The following PLCG2 variants were observed in gnomAD, a reference collection of about 807,000 sequenced individuals.
PLCG2 encodes the protein 1-phosphatidylinositol 4,5-bisphosphate phosphodiesterase gamma-2.
PLCG2 carries 69 observed loss-of-function variants against 175.6 expected under a neutral mutation model. The observed-to-expected ratio is 0.39, with a 90% CI of 0.32 to 0.48. The LOEUF is 0.48. Ranked by LOEUF, PLCG2 falls within the 20% of genes least tolerant of loss-of-function variation. The probability of loss-of-function intolerance (pLI) is 0.91; values close to 1 mark genes in which losing one functional copy is unlikely to be tolerated. For missense variants in PLCG2, 1,798 were observed against 1,650.9 expected (o/e 1.09, Z -1.54); for synonymous variants, 827 against 624.0 (o/e 1.33, Z -4.85).
intron 2 of PLCG2, among the ~76,000 whole-genome samples, chr16:81,808,246 A>G (rs1259022749): frequency 6.6e-6 from 1 of 152,214 alleles, no homozygotes; most frequent in Non-Finnish European, 1.5e-5. Flanking sequence ...CCTGTTTTCC[A>G]ACGGGGCTAC....
intron 2 of PLCG2, among the ~76,000 whole-genome samples, chr16:81,797,837 C>CTT (rs35558572): frequency 1.4e-4 from 20 of 145,622 alleles, no homozygotes; most frequent in Admixed American, 4.8e-4. Flanking sequence ...TTTTTCTTGT[C>CTT]TTTTTTTTTT....
intron 21 of PLCG2, among the ~76,000 whole-genome samples, chr16:81,923,123 T>C (rs1291970259): frequency 6.6e-6 from 1 of 152,162 alleles, no homozygotes; most frequent in Non-Finnish European, 1.5e-5. Context: ...GTCCTTTCTT[T>C]GTTGAGGAAA....
At chr16:81,821,584 A>G (rs1272155131) in intron 2 of PLCG2, among the ~76,000 whole-genome samples, 10 of 151,956 alleles carry the variant, frequency 6.6e-5, no homozygotes, top group Non-Finnish European at 1.2e-4. Flanking sequence ...TGCTGGCCCT[A>G]CTTGTTGCCT....
intron 2 of PLCG2, among the ~76,000 whole-genome samples, chr16:81,789,274 G>A (rs752911947): frequency 2.6e-5 from 4 of 152,176 alleles, no homozygotes; most frequent in South Asian, 2.1e-4. Context: ...CATTTCACTC[G>A]CTTACGCGGA....
Position 81,900,759 on chromosome 16 carries a change from G to T in PLCG2, c.1341G>T (p.Leu447=). Residue 447 remains leucine (L), a synonymous_variant, in exon 14 of 33, where the codon CTG becomes CTT. Coordinates refer to ENST00000564138, the MANE Select transcript of PLCG2 (RefSeq NM_002661.5). ...ACCAGCTGCCCTCGCCCAGCCAGCT[G>T]CGGGAGAAGATCATCATCAAGGTAG... ...SADQLPSPSQ[L]REKIIIKHKK... The T allele has an allele frequency of 6.2e-7, 1 of 1,603,162 alleles. No individual in the cohort carries two copies. The highest frequency in any genetic ancestry group is 8.5e-7 in the Non-Finnish European group (1 of 1,170,884).
intron 26 of PLCG2, chr16:81,935,599 G>T (rs866057730): frequency 2.0e-6 from 2 of 985,132 alleles, no homozygotes; most frequent in Non-Finnish European, 1.2e-6. Flanking sequence ...CCAGTCCCTA[G>T]GAACTTCTAC....
At chr16:81,930,797 G>T in intron 24 of PLCG2, among the ~76,000 whole-genome samples, 1 of 147,722 alleles carries the variant, frequency 6.8e-6, no homozygotes, top group Admixed American at 6.7e-5. Context: ...ATATGTAAAA[G>T]ATTATATGTA....
chr16:81,876,209 G>C (rs1907781696), intron 7 of PLCG2, among the ~76,000 whole-genome samples: 1 of 151,854 alleles, frequency 6.6e-6, no homozygotes, highest in African/African-American at 2.4e-5. Flanking sequence ...ATTTTTTGTA[G>C]AGACAGTTTC....
upstream of PLCG2, among the ~76,000 whole-genome samples, chr16:81,776,312 T>C (rs1190875395): frequency 1.3e-5 from 2 of 151,598 alleles, no homozygotes; most frequent in Admixed American, 1.3e-4. Context: ...GTTTTCACCA[T>C]GTTAAGCAGG....
intron 2 of PLCG2, among the ~76,000 whole-genome samples, chr16:81,770,670 A>G (rs950240604): frequency 3.9e-5 from 6 of 152,118 alleles, no homozygotes; most frequent in African/African-American, 7.2e-5. Flanking sequence ...CAGTGAGCTG[A>G]GATTGCGCCA....
At chr16:81,761,626 C>T (rs1341821106) in intron 2 of PLCG2, among the ~76,000 whole-genome samples, 3 of 152,060 alleles carry the variant, frequency 2.0e-5, no homozygotes, top group Non-Finnish European at 2.9e-5. Context: ...AATAGAACAC[C>T]CCTCATGGGT....
At chr16:81,811,185 A>G (rs1904316621) in intron 2 of PLCG2, among the ~76,000 whole-genome samples, 1 of 152,138 alleles carries the variant, frequency 6.6e-6, no homozygotes, top group South Asian at 2.1e-4. Context: ...TGAGTCTCCC[A>G]TTCTGTCTGT....
chr16:81,948,738 T>G (rs1911251048), intron 31 of PLCG2, among the ~76,000 whole-genome samples: 1 of 152,194 alleles, frequency 6.6e-6, no homozygotes, highest in South Asian at 2.1e-4. Flanking sequence ...CAGCTAAAGT[T>G]GGTCAGTTTG....
chr16:81,781,084 A>G (rs902367077), intron 1 of PLCG2, among the ~76,000 whole-genome samples: 1 of 148,250 alleles, frequency 6.7e-6, no homozygotes, highest in Non-Finnish European at 1.5e-5. Flanking sequence ...GAAAACAGCA[A>G]GAACACAAAG....
intron 2 of PLCG2, among the ~76,000 whole-genome samples, chr16:81,757,616 C>T (rs73604569): frequency 1.9e-3 from 282 of 152,204 alleles, no homozygotes; most frequent in Middle Eastern, 0.01. Context: ...TCACATTTTC[C>T]TCCAGCACTT....
At chr16:81,835,517 T>C (rs548357289) in intron 2 of PLCG2, among the ~76,000 whole-genome samples, 1 of 152,234 alleles carries the variant, frequency 6.6e-6, no homozygotes, top group East Asian at 1.9e-4. Flanking sequence ...AGGTGGAGGT[T>C]GCTGTGAGCT....
chr16:81,954,133 C>T (rs1911473134), intron 31 of PLCG2, among the ~76,000 whole-genome samples: 1 of 152,058 alleles, frequency 6.6e-6, no homozygotes, highest in South Asian at 2.1e-4. Flanking sequence ...TGTGATCTTA[C>T]CCTCTCAGCC....
At chr16:81,883,244 CT>C (rs1567515012) in intron 8 of PLCG2, 24 bp from the exon 9 acceptor site, 1 of 1,608,750 alleles carries the variant, frequency 6.2e-7, no homozygotes, top group Non-Finnish European at 8.5e-7. Context: ...CTGTCTCTAA[CT>C]GCACCCCCTT....
chr16:81,756,913 C>G (rs754725349), intron 2 of PLCG2, among the ~76,000 whole-genome samples: 67 of 152,216 alleles, frequency 4.4e-4, no homozygotes, highest in African/African-American at 1.5e-3. Flanking sequence ...ACACACACAC[C>G]GCGCCTCTAC....
Sources: allele counts gnomAD v4.1 joint callset (sites outside exome capture counted in the v4.1 genomes callset), GRCh38; gene constraint gnomAD v4.1.1; transcripts MANE v1.5; gene names NCBI Gene and HGNC (gene_info 2026-07-23, HGNC 2026-07-21).